Variants in LRMDA observed in about 807,000 individuals in gnomAD.
The protein encoded by LRMDA is leucine rich melanocyte differentiation associated.
A neutral mutation model predicts 29.8 loss-of-function variants in LRMDA; 18 were observed. The ratio of observed to expected loss-of-function variants is 0.60; its 90% confidence interval spans 0.42 to 0.90. LRMDA has a LOEUF of 0.90. Among genes scored for constraint, LRMDA ranks in the 40% least tolerant of loss-of-function variants. The pLI is 0.00. For missense variants in LRMDA, 273 were observed against 273.9 expected, an observed-to-expected ratio of 1.00 and a Z score of 0.02; for synonymous variants, 125 against 109.4, an observed-to-expected ratio of 1.14 and a Z score of -0.89.
intron 5 of LRMDA, among the ~76,000 whole-genome samples, chr10:76,084,463 C>T (rs546400006): frequency 2.1e-5 from 3 of 142,070 alleles, no homozygotes; most frequent in Non-Finnish European, 3.0e-5. Context: ...AATCTGCCCA[C>T]CTTGGCCTCC....
intron 2 of LRMDA, among the ~76,000 whole-genome samples, chr10:75,494,029 C>T (rs1845018042): frequency 6.6e-6 from 1 of 152,228 alleles, no homozygotes; most frequent in East Asian, 1.9e-4. Flanking sequence ...GTTGGGATTA[C>T]AGGCGTCAGC....
At chr10:76,325,660 G>C (rs1840825277) in intron 6 of LRMDA, among the ~76,000 whole-genome samples, 1 of 152,060 alleles carries the variant, frequency 6.6e-6, no homozygotes, top group African/African-American at 2.4e-5. Flanking sequence ...TTATTTATTG[G>C]TTTCTTGTAT....
rs11001621 is a variant in LRMDA at position 76,122,533 on chromosome 10, G to A, written c.516+63750G>A. 8.5e-5 allele frequency among the ~76,000 whole-genome samples: 13 copies of A among 152,116 alleles called. No individual in the cohort carries two copies. In the East Asian group the frequency reaches 2.3e-3, roughly 27 times the overall value. On this transcript the variant is annotated intron_variant, in intron 5 of 6. Coordinates refer to ENST00000611255, the MANE Select transcript of LRMDA (RefSeq NM_001305581.2). ...AAAATGGAGATGATAATTGTCTCTA[G>A]TTCTCTCTAGAGATTAAATGAGTTC... is the stretch of plus-strand genomic sequence containing the variant.
At chr10:76,083,566 C>T (rs904437080) in intron 5 of LRMDA, among the ~76,000 whole-genome samples, 5 of 152,150 alleles carry the variant, frequency 3.3e-5, no homozygotes, top group South Asian at 2.1e-4. Context: ...CAGTGGCTCA[C>T]GCCTCTAATT....
chr10:75,787,916 C>T (rs920016839), intron 2 of LRMDA, among the ~76,000 whole-genome samples: 10 of 152,206 alleles, frequency 6.6e-5, no homozygotes, highest in African/African-American at 2.4e-4. Context: ...GTAGTCCCAG[C>T]TACTTGGGAG....
chr10:75,961,720 A>G (rs1846769805), intron 2 of LRMDA, among the ~76,000 whole-genome samples: 1 of 152,222 alleles, frequency 6.6e-6, no homozygotes, highest in African/African-American at 2.4e-5. Flanking sequence ...TTTAACACTA[A>G]TGCTTTCCTC....
At chr10:76,285,821 T>C (rs1169492974) in intron 5 of LRMDA, among the ~76,000 whole-genome samples, 2 of 152,212 alleles carry the variant, frequency 1.3e-5, no homozygotes, top group Non-Finnish European at 2.9e-5. Context: ...CCAATAAAAG[T>C]TAATTGAATT....
chr10:76,378,858 C>CTTTTTTTTTT (rs144037195), intron 6 of LRMDA, among the ~76,000 whole-genome samples: 54 of 118,948 alleles, frequency 4.5e-4, no homozygotes, highest in East Asian at 1.5e-3. Flanking sequence ...CTTTTTTTTT[C>CTTTTTTTTTT]TTTTTTTTTT....
In LRMDA at chr10:75,654,518, C is replaced by T. The variant is rs867103005; in HGVS notation, c.131+216024C>T. ...GGAAGTTCTGAGTCATTTCCCTTTT[C>T]CTTAATACCTGGAGTATTTCATTGT... On this transcript the variant is annotated intron_variant, in intron 2 of 6. Coordinates refer to ENST00000611255, the MANE Select transcript of LRMDA (RefSeq NM_001305581.2). 8.5e-5 allele frequency among the ~76,000 whole-genome samples: 13 copies of T among 152,302 alleles called. No individual in the cohort carries two copies. In the South Asian group the frequency reaches 1.9e-3, roughly 22 times the overall value.
chr10:75,756,974 A>G (rs1365974337), intron 2 of LRMDA, among the ~76,000 whole-genome samples: 1 of 152,184 alleles, frequency 6.6e-6, no homozygotes, highest in Non-Finnish European at 1.5e-5. Flanking sequence ...GTCTTGAACT[A>G]TAGTGCATTG....
chr10:76,190,730 AAG>A (rs893550275), intron 5 of LRMDA, among the ~76,000 whole-genome samples: 5 of 152,296 alleles, frequency 3.3e-5, no homozygotes, highest in African/African-American at 1.2e-4. Flanking sequence ...CAGAGGGGGA[AAG>A]AGGGTATTTT....
At position 76,195,300 on chromosome 10, in the gene LRMDA, T is replaced by A. The variant is rs115337618; in HGVS notation, c.517-129101T>A. Among the ~76,000 whole-genome samples the A allele has an allele frequency of 8.3e-3, 1,261 of 152,302 alleles. 21 individuals carry two copies. Among genetic ancestry groups the A allele is most frequent in the African/African-American group, 0.029 (1,196 of 41,558 alleles). ...GGAAGGTTCCAGCAAAAGGCAACTC[T>A]TCTTGACCTTGTACCATTGAAAGTC... On this transcript the variant is annotated intron_variant, in intron 5 of 6. Transcript: ENST00000611255.
chr10:76,307,041 A>C (rs1439265589), intron 5 of LRMDA, among the ~76,000 whole-genome samples: 2 of 152,144 alleles, frequency 1.3e-5, no homozygotes, highest in Non-Finnish European at 2.9e-5. Flanking sequence ...CTGTTGCAGC[A>C]TCTTGTGGTT....
At chr10:75,959,010 G>A (rs961098141) in intron 2 of LRMDA, among the ~76,000 whole-genome samples, 5 of 152,176 alleles carry the variant, frequency 3.3e-5, no homozygotes, top group East Asian at 1.9e-4. Flanking sequence ...ATCTCCCACC[G>A]GGTCTCTCCC....
chr10:75,539,334 A>G (rs1839988247), intron 2 of LRMDA, among the ~76,000 whole-genome samples: 1 of 152,312 alleles, frequency 6.6e-6, no homozygotes, highest in African/African-American at 2.4e-5. Context: ...GCTTTTGACA[A>G]AAAGTATTGA....
chr10:75,771,499 C>T (rs1333051472), intron 2 of LRMDA, among the ~76,000 whole-genome samples: 2 of 152,018 alleles, frequency 1.3e-5, no homozygotes, highest in Non-Finnish European at 2.9e-5. Flanking sequence ...TGTGAAAAAG[C>T]CTGGCGAGTT....
chr10:76,039,831 A>C (rs923774905), intron 3 of LRMDA, among the ~76,000 whole-genome samples: 2 of 152,244 alleles, frequency 1.3e-5, no homozygotes, highest in Non-Finnish European at 2.9e-5. Context: ...CTAGTAACAT[A>C]GTAAGTGCTA....
At chr10:76,031,116 T>C (rs1400511472) in intron 2 of LRMDA, among the ~76,000 whole-genome samples, 2 of 152,132 alleles carry the variant, frequency 1.3e-5, no homozygotes, top group Non-Finnish European at 2.9e-5. Context: ...TGGAGCAGGG[T>C]CTATGGTAGC....
intron 5 of LRMDA, among the ~76,000 whole-genome samples, chr10:76,155,176 G>A (rs72815566): frequency 0.12 from 18,372 of 152,044 alleles, 1,247 homozygotes; most frequent in East Asian, 0.24. Context: ...ATAAAACAGT[G>A]TAGAAATATA....
Sources: gnomAD v4.1 joint callset for allele counts (sites outside exome capture counted in the v4.1 genomes callset) on GRCh38, gnomAD v4.1.1 for gene constraint, MANE v1.5 for transcripts, NCBI Gene and HGNC (gene_info 2026-07-23, HGNC 2026-07-21) for gene names.